Variants in COL11A1 observed in about 807,000 individuals in gnomAD.
The protein encoded by COL11A1 is collagen type XI alpha 1 chain, also known as collagen alpha-1(XI) chain.
In COL11A1, 74 loss-of-function variants were observed where a neutral mutation model predicts 265.2. The ratio of observed to expected loss-of-function variants is 0.28; its 90% confidence interval spans 0.23 to 0.34. COL11A1 has a LOEUF of 0.34. Ranked by LOEUF, COL11A1 falls within the 10% of genes least tolerant of loss-of-function variation. The pLI, the probability that COL11A1 is intolerant of heterozygous loss-of-function variation, is 1.00. For missense variants in COL11A1, 2,165 were observed against 2,263.6 expected (o/e 0.96, Z 0.88); for synonymous variants, 816 against 727.6 (o/e 1.12, Z -1.96).
rs781428108 is a variant in COL11A1, at chr1:102,878,011, T to A, written c.*8A>T. 6.2e-7 allele frequency: 1 copy of A among 1,613,202 alleles called. No homozygotes were observed. Among genetic ancestry groups the A allele is most frequent in the East Asian group, 2.2e-5 (1 of 44,788 alleles). Reference sequence around the variant, plus strand: ...TTCTGTTGATTTGATATGTTCTTTGTCTTAATCTTAGCCAAGAAAACAAAC... The same window carrying A: ...TTCTGTTGATTTGATATGTTCTTTGACTTAATCTTAGCCAAGAAAACAAAC... On this transcript the variant is annotated 3_prime_UTR_variant, in exon 67 of 67. Coordinates refer to ENST00000370096, the MANE Select transcript of COL11A1 (RefSeq NM_001854.4).
rs1666771640 is a variant in COL11A1, at chr1:103,018,838, G to A, written c.1330C>T (p.Pro444Ser). The A allele has an allele frequency of 6.2e-7, 1 of 1,612,658 alleles. No homozygotes were observed. The highest frequency in any genetic ancestry group is 8.5e-7 in the Non-Finnish European group (1 of 1,179,028). Reference protein sequence around the residue: ...VEPGMLVEGPPGPAGPAGIMG... With the variant: ...VEPGMLVEGPSGPAGPAGIMG... ...CATACTGCAGGTCCTGCTGGTCCTG[G>A]TGGTCCTTCGACAAGCATACCCTAT... The change falls in exon 10 of 67, where the codon CCA (proline) becomes TCA (serine). Residue 444 changes from proline (P) to serine (S), a missense_variant. By Grantham distance (74) the Pro-to-Ser change is moderately conservative. Coordinates refer to ENST00000370096, the MANE Select transcript of COL11A1 (RefSeq NM_001854.4).
At chr1:102,948,753 A>T (rs1659573702) in intron 41 of COL11A1, among the ~76,000 whole-genome samples, 1 of 151,758 alleles carries the variant, frequency 6.6e-6, no homozygotes, top group South Asian at 2.1e-4. Flanking sequence ...TGTATTTTTT[A>T]ATTTAATAAT....
chr1:102,950,116 AC>A (rs1659732346), intron 41 of COL11A1, among the ~76,000 whole-genome samples: 1 of 151,806 alleles, frequency 6.6e-6, no homozygotes, highest in Non-Finnish European at 1.5e-5. Flanking sequence ...ACATGGTGAA[AC>A]CCCCTCTCTA....
intron 1 of COL11A1, among the ~76,000 whole-genome samples, chr1:103,105,477 C>T (rs535592009): frequency 6.6e-6 from 1 of 152,104 alleles, no homozygotes; most frequent in African/African-American, 2.4e-5. Flanking sequence ...AATCCATTCA[C>T]TTCCAAGAAA....
chr1:103,031,120 T>A lies in COL11A1; in HGVS notation c.776A>T (p.Asp259Val), dbSNP rs1667954033. The A allele has an allele frequency of 6.2e-7, 1 of 1,613,304 alleles. No homozygotes were observed. The highest frequency in any genetic ancestry group is 1.7e-5 in the Admixed American group (1 of 59,958). ...CTCTGGTCTTGTGCTCCTCACCTCA[T>A]CTATCTGAGGTTCCTGAGCTTGAGC... ...KAAQAQEPQI[D>V]EYAPEDIIEY... is the part of the protein sequence containing the mutation. The change falls in exon 5 of 67, where the codon GAT (aspartate) becomes GTT (valine). Residue 259 changes from aspartate to valine, a missense_variant. Asp to Val is a radical substitution (Grantham distance 152, BLOSUM62 -3). Coordinates refer to ENST00000370096, the MANE Select transcript of COL11A1 (RefSeq NM_001854.4).
intron 2 of COL11A1, among the ~76,000 whole-genome samples, 191 bp from the exon 3 acceptor site, chr1:103,079,062 C>T (rs1009693795): frequency 1.3e-5 from 2 of 152,064 alleles, no homozygotes; most frequent in Non-Finnish European, 2.9e-5. Context: ...AAGCTATAGT[C>T]AAACTTTAAA....
intron 49 of COL11A1, among the ~76,000 whole-genome samples, chr1:102,918,301 A>G (rs1655584599): frequency 6.6e-6 from 1 of 151,920 alleles, no homozygotes; most frequent in East Asian, 1.9e-4. Flanking sequence ...ATATGTATAA[A>G]TCTTAAGAAA....
At position 102,940,331 on chromosome 1, in the gene COL11A1, T is replaced by C. The variant is rs368436896; in HGVS notation, c.3380A>G (p.Asp1127Gly). The change falls in exon 43 of 67, where the codon GAC (aspartate) becomes GGC (glycine). Residue 1127 changes from aspartate to glycine, a missense_variant. By Grantham distance (94) the Asp-to-Gly change is moderately conservative (BLOSUM62 -1). Coordinates refer to ENST00000370096, the MANE Select transcript of COL11A1 (RefSeq NM_001854.4). ...GPAGSPGEDG[D>G]KGEIGEPGQK... is the part of the protein sequence containing the mutation. ...ACACGAATAATGAATACCAACCTTG[T>C]CTCCGTCTTCCCCAGGGGAGCCGGC... 1 of 1,612,576 alleles carries C rather than the reference T, an allele frequency of 6.2e-7. No individual in the cohort carries two copies. The highest frequency in any genetic ancestry group is 1.3e-5 in the African/African-American group (1 of 74,890).
chr1:102,952,705 A>G (rs1181749538), intron 41 of COL11A1, among the ~76,000 whole-genome samples: 1 of 152,232 alleles, frequency 6.6e-6, no homozygotes, highest in African/African-American at 2.4e-5. Context: ...TTGTAATAAC[A>G]GCATGCTCTG....
At chr1:103,082,331 AT>A (rs1426106413) in intron 2 of COL11A1, among the ~76,000 whole-genome samples, 1 of 152,076 alleles carries the variant, frequency 6.6e-6, no homozygotes, top group Admixed American at 6.6e-5. Flanking sequence ...CAACAGAAAC[AT>A]TTACCTTAAT....
chr1:102,945,231 A>G (rs1303959121), intron 42 of COL11A1, among the ~76,000 whole-genome samples: 1 of 140,432 alleles, frequency 7.1e-6, no homozygotes, highest in African/African-American at 2.6e-5. Context: ...AAACAAAGGG[A>G]ATTTGTTTTC....
chr1:103,011,777 T>G (rs1666151717), intron 14 of COL11A1, among the ~76,000 whole-genome samples: 1 of 152,092 alleles, frequency 6.6e-6, no homozygotes, highest in African/African-American at 2.4e-5. Flanking sequence ...GAATCCTGGT[T>G]TGAATCCTGT....
Position 103,026,326 on chromosome 1 carries a change from G to T in COL11A1, c.787C>A (p.Pro263Thr), listed in dbSNP as rs372319750. 3.4e-5 allele frequency: 54 copies of T among 1,606,642 alleles called. No individual in the cohort carries two copies. Among genetic ancestry groups the T allele is most frequent in the Admixed American group, 1.7e-5 (1 of 59,986 alleles). ...TAGTCATATTCGATTATATCCTCTGGTGCATACTACATTGCAAAGGAAAAA... is the reference window on the plus strand; with the variant it reads ...TAGTCATATTCGATTATATCCTCTGTTGCATACTACATTGCAAAGGAAAAA... ...AQEPQIDEYA[P>T]EDIIEYDYEY... The change falls in exon 6 of 67, where the codon CCA becomes ACA. Residue 263 changes from proline to threonine, a missense_variant. Physicochemically the swap from Pro to Thr is conservative, Grantham distance 38. Transcript: ENST00000370096.
intron 23 of COL11A1, 94 bp from the exon 24 acceptor site, chr1:103,002,063 G>T: frequency 9.9e-7 from 1 of 1,007,834 alleles, no homozygotes; most frequent in Non-Finnish European, 1.6e-6. Context: ...AGTACACAGT[G>T]AGTTATAAGA....
chr1:103,012,270 T>A (rs1478888427), intron 14 of COL11A1, 143 bp downstream of exon 14: 1 of 639,564 alleles, frequency 1.6e-6, no homozygotes, highest in Non-Finnish European at 2.7e-6. Flanking sequence ...TTGAGAAGGA[T>A]TTTTTTAATG....
chr1:102,995,965 A>G (rs764020483), intron 27 of COL11A1, 24 bp downstream of exon 27: 2 of 1,613,074 alleles, frequency 1.2e-6, no homozygotes, highest in Admixed American at 1.7e-5. Flanking sequence ...GAAAGTAAAT[A>G]ATGTGAAAAC....
intron 4 of COL11A1, among the ~76,000 whole-genome samples, chr1:103,069,957 G>T (rs1178076532): frequency 1.3e-5 from 2 of 151,864 alleles, no homozygotes; most frequent in East Asian, 1.9e-4. Flanking sequence ...CTGCTGAAGG[G>T]AGTATAAAAT....
chr1:103,105,510 G>C (rs947349512), intron 1 of COL11A1, among the ~76,000 whole-genome samples: 1 of 151,826 alleles, frequency 6.6e-6, no homozygotes, highest in Non-Finnish European at 1.5e-5. Context: ...ATTTTCTTTA[G>C]AGTCTAACTT....
At chr1:103,059,078 C>T (rs986780901) in intron 4 of COL11A1, among the ~76,000 whole-genome samples, 1 of 152,094 alleles carries the variant, frequency 6.6e-6, no homozygotes, top group African/African-American at 2.4e-5. Flanking sequence ...AAGGTTGCCA[C>T]AAACTTTCAA....
Sources: allele counts gnomAD v4.1 joint callset (sites outside exome capture counted in the v4.1 genomes callset), GRCh38; gene constraint gnomAD v4.1.1; transcripts MANE v1.5; gene names NCBI Gene and HGNC (gene_info 2026-07-23, HGNC 2026-07-21).